Variants in EIF5A observed in about 807,000 individuals in gnomAD.
The protein encoded by EIF5A is eukaryotic translation initiation factor 5A-1.
Under a neutral mutation model 16.6 loss-of-function variants are expected in EIF5A, and 1 was observed. That is an observed-to-expected ratio of 0.06 (90% CI 0.02 to 0.28). The LOEUF is 0.28. EIF5A is among the 10% of genes least tolerant of loss of function. The pLI, the probability that EIF5A is intolerant of heterozygous loss-of-function variation, is 1.00. For missense variants in EIF5A, 29 were observed against 196.1 expected, an observed-to-expected ratio of 0.15 and a Z score of 5.09; for synonymous variants, 80 against 73.6, an observed-to-expected ratio of 1.09 and a Z score of -0.44.
chr17:7,308,468 A>G (rs930656717), intron 1 of EIF5A: 9 of 1,345,770 alleles, frequency 6.7e-6, no homozygotes, highest in African/African-American at 5.9e-5. Context: ...CTCGGGTCCT[A>G]ATCACCCCGG....
In EIF5A at chr17:7,309,710, A is replaced by G. The variant is rs747928544; in HGVS notation, c.75A>G (p.Leu25=). ...SATFPMQCSA[L]RKNGFVVLKG... ...CCTTCCCAATGCAGTGCTCAGCATT[A>G]CGTAAGAATGGCTTTGTGGTGCTCA... Residue 25 remains leucine, a synonymous_variant, in exon 2 of 6, where the codon TTA becomes TTG. Transcript: ENST00000336458. The G allele has an allele frequency of 6.2e-7, 1 of 1,614,124 alleles. No homozygotes were observed. The highest frequency in any genetic ancestry group is 8.5e-7 in the Non-Finnish European group (1 of 1,180,052).
rs1474632009 is a variant in EIF5A, at chr17:7,307,702, C to T, written c.-72C>T. ...GCGGCGGCAGCGGGCTCGGAGGCAG[C>T]GGTTGGGCTCGCGGCGAGCGGACGG... On this transcript the variant is annotated 5_prime_UTR_variant, in exon 1 of 6. Transcript: ENST00000336458. 1 of 1,043,494 alleles carries T rather than the reference C, an allele frequency of 9.6e-7. No homozygotes were observed. The highest frequency in any genetic ancestry group is 1.2e-6 in the Non-Finnish European group (1 of 868,542). 64.6% of individuals were successfully genotyped at this position (1,043,494 alleles called of 1,614,324 possible). A position where few individuals can be genotyped will look rare whatever the true frequency, so the allele number is the denominator to read the frequency against.
chr17:7,309,221 A>T (rs2072740201), intron 1 of EIF5A, among the ~76,000 whole-genome samples: 1 of 148,534 alleles, frequency 6.7e-6, no homozygotes, highest in African/African-American at 2.5e-5. Flanking sequence ...GCTGGATCAT[A>T]GCTGCTCACC....
chr17:7,307,604 G>T, upstream of EIF5A: 1 of 1,018,222 alleles, frequency 9.8e-7, no homozygotes, highest in Non-Finnish European at 1.2e-6. Context: ...CTGCTTGGTT[G>T]GTCAGTGGGG....
At chr17:7,307,921 G>C in intron 1 of EIF5A, 169 bp downstream of exon 1, 1 of 984,710 alleles carries the variant, frequency 1.0e-6, no homozygotes, top group Non-Finnish European at 1.2e-6. Context: ...GCCCCGGTTG[G>C]CGCGCGGGGT....
At chr17:7,311,784 G>T in intron 5 of EIF5A, 38 bp from the exon 6 acceptor site, 1 of 1,195,882 alleles carries the variant, frequency 8.4e-7, no homozygotes, top group East Asian at 2.6e-5. Context: ...CCTGTTGAAG[G>T]TATTATCCTG....
In EIF5A at chr17:7,310,113, G is replaced by A. The variant is rs1297961755; in HGVS notation, c.165+313G>A. ...TTCAGTTGCTCCTTCCTTATTCTTG[G>A]TTTTCACTTTTTCTTTCTTCCCTTG... On this transcript the variant is annotated intron_variant, in intron 2 of 5. Coordinates refer to ENST00000336458, the MANE Select transcript of EIF5A (RefSeq NM_001970.5). 7 of 1,350,142 alleles carry A rather than the reference G, an allele frequency of 5.2e-6. No individual in the cohort carries two copies. In the South Asian group the frequency reaches 7.4e-5, roughly 14 times the overall value. The allele number at this position is 1,350,142 out of a possible 1,614,324, so 83.6% of individuals were successfully genotyped here.
intron 3 of EIF5A, 78 bp from the exon 4 acceptor site, chr17:7,311,272 T>C: frequency 6.2e-7 from 1 of 1,608,846 alleles, no homozygotes; most frequent in Non-Finnish European, 8.5e-7. Context: ...TCAGTCCAGT[T>C]TGTCTATCAG....
intron 1 of EIF5A, chr17:7,308,487 C>T (rs2072705053): frequency 8.9e-6 from 12 of 1,350,090 alleles, no homozygotes; most frequent in Admixed American, 1.9e-5. Flanking sequence ...GGAGGGCCTG[C>T]TGCAGGCATA....
chr17:7,309,560 T>G lies in EIF5A; in HGVS notation c.-21-55T>G, dbSNP rs773061443. 5 of 1,603,956 alleles carry G rather than the reference T, an allele frequency of 3.1e-6. No individual in the cohort carries two copies. The Admixed American group carries it at 6.7e-5, about 22-fold the overall frequency. ...GTTTCTGGAGAGAAATGGGATAGAT[T>G]GGAGGTCCTGTTGACCTCCATGCTT... On this transcript the variant is annotated intron_variant, in intron 1 of 5. Coordinates refer to ENST00000336458, the MANE Select transcript of EIF5A (RefSeq NM_001970.5).
chr17:7,311,583 G>A lies in EIF5A; in HGVS notation c.408G>A (p.Thr136=), dbSNP rs376228893. 2.2e-5 allele frequency: 35 copies of A among 1,614,158 alleles called. No individual in the cohort carries two copies. Among genetic ancestry groups the A allele is most frequent in the African/African-American group, 9.3e-5 (7 of 75,030 alleles). ...KYDCGEEILI[T]VLSAMTEEAA... ...TATCCCTCTTGCTTCTCCAGATCAC[G>A]GTGCTGTCTGCCATGACAGAGGAGG... The change falls in exon 5 of 6, where the codon ACG becomes ACA. Residue 136 remains threonine, a synonymous_variant. Coordinates refer to ENST00000336458, the MANE Select transcript of EIF5A (RefSeq NM_001970.5).
upstream of EIF5A, chr17:7,307,357 C>G: frequency 2.4e-6 from 3 of 1,233,150 alleles, no homozygotes; most frequent in Non-Finnish European, 3.1e-6. Context: ...CCCGGTAGGA[C>G]GAGCGGTCTA....
chr17:7,310,586 C>T (rs1366345824), intron 2 of EIF5A: 10 of 1,068,248 alleles, frequency 9.4e-6, no homozygotes, highest in South Asian at 5.2e-5. Context: ...TCTGATCTCC[C>T]TGCAAGTCCT....
intron 2 of EIF5A, 113 bp from the exon 3 acceptor site, chr17:7,310,905 C>T: frequency 6.8e-7 from 1 of 1,460,382 alleles, no homozygotes; most frequent in Non-Finnish European, 9.1e-7. Context: ...ACACTCCAGT[C>T]TTTGCCCCAA....
At chr17:7,308,304 C>T (rs1415026695) in intron 1 of EIF5A, 11 of 1,149,124 alleles carry the variant, frequency 9.6e-6, no homozygotes, top group South Asian at 8.2e-5. Context: ...ACCGGGGCCG[C>T]ATGGCAGCGC....
At chr17:7,309,135 G>A (rs527415009) in intron 1 of EIF5A, among the ~76,000 whole-genome samples, 1 of 151,912 alleles carries the variant, frequency 6.6e-6, no homozygotes. Context: ...TGGATGGGGG[G>A]GGGCAGTGTA....
At chr17:7,308,299 G>C (rs539075239) in intron 1 of EIF5A, 1 of 1,141,836 alleles carries the variant, frequency 8.8e-7, no homozygotes, top group East Asian at 8.1e-5. Flanking sequence ...CGTGGACCGG[G>C]GCCGCATGGC....
intron 1 of EIF5A, 88 bp from the exon 2 acceptor site, chr17:7,309,527 G>C (rs2072750816): frequency 1.3e-6 from 2 of 1,543,266 alleles, no homozygotes; most frequent in Non-Finnish European, 1.8e-6. Context: ...ATAAAGAGTT[G>C]GGAAAATGTT....
At position 7,310,745 on chromosome 17, in the gene EIF5A, C is replaced by T. The variant is rs778851609; in HGVS notation, c.166-273C>T. 9.2e-5 allele frequency: 91 copies of T among 985,424 alleles called. No homozygotes were observed. The Middle Eastern group carries it at 1.6e-3, about 17-fold the overall frequency. The allele number at this position is 985,424 out of a possible 1,614,324, so 61.0% of individuals were successfully genotyped here. On this transcript the variant is annotated intron_variant, in intron 2 of 5. Coordinates refer to ENST00000336458, the MANE Select transcript of EIF5A (RefSeq NM_001970.5). ...TCCCACTCCCCTAGACTCTTAGCATCTTATCTTTTATCAAGGTAACTGTCT... is the reference window on the plus strand; with the variant it reads ...TCCCACTCCCCTAGACTCTTAGCATTTTATCTTTTATCAAGGTAACTGTCT...
Sources: allele counts gnomAD v4.1 joint callset (sites outside exome capture counted in the v4.1 genomes callset), GRCh38; gene constraint gnomAD v4.1.1; transcripts MANE v1.5; gene names NCBI Gene and HGNC (gene_info 2026-07-23, HGNC 2026-07-21).